Variants in PDE10A observed in about 807,000 individuals in gnomAD.
The protein encoded by PDE10A is cAMP and cAMP-inhibited cGMP 3',5'-cyclic phosphodiesterase 10A.
In PDE10A, 39 loss-of-function variants were observed where a neutral mutation model predicts 97.7. That is an observed-to-expected ratio of 0.40 (90% CI 0.31 to 0.52). PDE10A has a LOEUF of 0.52. Among genes scored for constraint, PDE10A ranks in the 20% least tolerant of loss-of-function variants. The pLI, the probability that PDE10A is intolerant of heterozygous loss-of-function variation, is 0.56. For missense variants in PDE10A, 731 were observed against 1,047.8 expected (o/e 0.70, Z 4.17); for synonymous variants, 371 against 376.8 (o/e 0.98, Z 0.18).
intron 2 of PDE10A, among the ~76,000 whole-genome samples, chr6:165,495,189 G>A (rs1780466773): frequency 6.6e-6 from 1 of 152,088 alleles, no homozygotes; most frequent in Admixed American, 6.6e-5. Flanking sequence ...TAAATTTCGT[G>A]GTTTTGAGAG....
intron 1 of PDE10A, among the ~76,000 whole-genome samples, chr6:165,586,682 C>G (rs1419023314): frequency 2.0e-5 from 3 of 152,084 alleles, no homozygotes; most frequent in Admixed American, 2.0e-4. Context: ...AAGAAAACCA[C>G]AAGTAACGTC....
chr6:165,601,195 T>C (rs1050767815), intron 1 of PDE10A, among the ~76,000 whole-genome samples: 1 of 152,216 alleles, frequency 6.6e-6, no homozygotes. Context: ...GCTGCCACCA[T>C]GTAAGAAGTG....
At chr6:165,345,882 C>T (rs919626664) in intron 18 of PDE10A, among the ~76,000 whole-genome samples, 27 of 152,152 alleles carry the variant, frequency 1.8e-4, no homozygotes, top group African/African-American at 6.3e-4. Context: ...ATCAATAAAT[C>T]AATAAATCAA....
intron 1 of PDE10A, among the ~76,000 whole-genome samples, chr6:165,884,968 G>A (rs1781588453): frequency 6.6e-6 from 1 of 152,198 alleles, no homozygotes; most frequent in South Asian, 2.1e-4. Flanking sequence ...GTCGTCCTGT[G>A]TGGGTTTAAT....
intron 2 of PDE10A, among the ~76,000 whole-genome samples, chr6:165,486,879 G>C (rs979807512): frequency 3.3e-5 from 5 of 152,196 alleles, no homozygotes; most frequent in Non-Finnish European, 7.3e-5. Context: ...TGCATTCAAA[G>C]CCAAAGTGGA....
chr6:165,608,580 T>C lies in PDE10A; in HGVS notation c.865+53367A>G, dbSNP rs199983553. Among the ~76,000 whole-genome samples the C allele has an allele frequency of 2.0e-4, 30 of 151,940 alleles. No individual in the cohort carries two copies. In the East Asian group the frequency reaches 4.8e-3, roughly 25 times the overall value. On this transcript the variant is annotated intron_variant, in intron 1 of 21. Transcript: ENST00000539869. The stretch of plus-strand genomic sequence containing the variant: ...AGTGCCACAGTAAACATACATGTGA[T>C]TGTGTCTTTATAGCAGCATGATTTA...
At position 165,381,267 on chromosome 6, in the gene PDE10A, T is replaced by C. The variant is rs117544139; in HGVS notation, c.2611-1901A>G. Among the ~76,000 whole-genome samples the C allele has an allele frequency of 4.2e-3, 642 of 152,322 alleles. 2 individuals are homozygous for C. Among genetic ancestry groups the C allele is most frequent in the Non-Finnish European group, 6.8e-3 (464 of 68,026 alleles). On this transcript the variant is annotated intron_variant, in intron 17 of 21. Transcript: ENST00000539869. ...TGTTTTTATCAGAGTCCCAAAAGTG[T>C]CGACTGTCCCAAAGCAAGTTAAGAT...
At chr6:165,348,648 C>T (rs1782474141) in intron 18 of PDE10A, among the ~76,000 whole-genome samples, 1 of 152,152 alleles carries the variant, frequency 6.6e-6, no homozygotes. Context: ...CCTAGCAAAT[C>T]CTTTCATAAG....
intron 1 of PDE10A, among the ~76,000 whole-genome samples, chr6:165,589,425 A>C (rs1786116338): frequency 1.3e-5 from 2 of 152,250 alleles, no homozygotes; most frequent in South Asian, 2.1e-4. Context: ...AAACTTTAAA[A>C]AATGTTTTAT....
intron 2 of PDE10A, among the ~76,000 whole-genome samples, chr6:165,526,152 G>A (rs1039200053): frequency 1.3e-5 from 2 of 152,144 alleles, no homozygotes; most frequent in African/African-American, 2.4e-5. Context: ...ACTGTGTACT[G>A]GGGAAAGGAA....
intron 1 of PDE10A, among the ~76,000 whole-genome samples, chr6:165,716,123 C>T (rs1312077240): frequency 1.3e-5 from 2 of 152,214 alleles, no homozygotes; most frequent in African/African-American, 4.8e-5. Context: ...TGCCAGGGCT[C>T]AAACCCCGGC....
At chr6:165,358,709 C>A (rs1241412167) in intron 18 of PDE10A, among the ~76,000 whole-genome samples, 2 of 151,752 alleles carry the variant, frequency 1.3e-5, no homozygotes, top group Non-Finnish European at 2.9e-5. Context: ...TTCAAATGTA[C>A]CATCTTGGGA....
rs75972859 is a variant in PDE10A at position 165,750,933 on chromosome 6, G to A, written c.-614-207365C>T. ...GTCCTAAGTTGTTGTTGGCAGGAGC[G>A]GGATGCTGAGATGACCCACCTTCAG... On this transcript the variant is annotated intron_variant, in intron 1 of 19. Transcript: ENST00000366882. Among the ~76,000 whole-genome samples, 642 of 152,266 alleles carry A rather than the reference G, an allele frequency of 4.2e-3. 6 individuals are homozygous for A. Among genetic ancestry groups the A allele is most frequent in the African/African-American group, 0.014 (602 of 41,548 alleles).
At chr6:165,515,774 G>T (rs1443930832) in intron 2 of PDE10A, among the ~76,000 whole-genome samples, 9 of 151,908 alleles carry the variant, frequency 5.9e-5, no homozygotes, top group Non-Finnish European at 4.4e-5. Flanking sequence ...CGCCCACCTC[G>T]GCTTCCCAAA....
rs113606750 is a variant in PDE10A at position 165,444,264 on chromosome 6, T to C, written c.1194+4664A>G. ...CTGTCTTTTGAGCCCTCCAGTTTCC[T>C]TTGTTTTTAGTCATTATAGGAATCC... On this transcript the variant is annotated intron_variant, in intron 5 of 21. Coordinates refer to ENST00000539869, the MANE Select transcript of PDE10A (RefSeq NM_001385079.1). Among the ~76,000 whole-genome samples the C allele has an allele frequency of 1.6e-3, 241 of 152,306 alleles. 3 individuals carry two copies. The highest frequency in any genetic ancestry group is 5.4e-3 in the African/African-American group (223 of 41,570).
chr6:165,346,968 T>C (rs1055176110), intron 18 of PDE10A, among the ~76,000 whole-genome samples: 7 of 152,178 alleles, frequency 4.6e-5, no homozygotes, highest in Admixed American at 1.3e-4. Flanking sequence ...GGATGTACAG[T>C]GGATGTTTTG....
chr6:165,806,042 TAAAAAAAA>T (rs67104260), intron 1 of PDE10A, among the ~76,000 whole-genome samples: 7 of 73,140 alleles, frequency 9.6e-5, no homozygotes, highest in African/African-American at 3.9e-4. Context: ...GCTTGATTAT[TAAAAAAAA>T]AAAAAAAAAA....
intron 1 of PDE10A, among the ~76,000 whole-genome samples, chr6:165,593,192 C>G (rs1032558400): frequency 6.6e-6 from 1 of 152,098 alleles, no homozygotes; most frequent in African/African-American, 2.4e-5. Flanking sequence ...AGCAAACTAA[C>G]ACAGGAACAG....
At position 165,418,725 on chromosome 6, in the gene PDE10A, TCCA is replaced by T; in HGVS notation, c.1703_1705del (p.Val568del). The T allele has an allele frequency of 6.2e-7, 1 of 1,613,774 alleles. No homozygotes were observed. Among genetic ancestry groups the T allele is most frequent in the Non-Finnish European group, 8.5e-7 (1 of 1,179,804 alleles). ...TGAATATAACTCCTTGTTCTTATGGTCCACCTGGAAAAGCGCACAACGATCGGC... is the reference window on the plus strand; with the variant it reads ...TGAATATAACTCCTTGTTCTTATGGTCCTGGAAAAGCGCACAACGATCGGC... On this transcript the variant is annotated inframe_deletion, in exon 11 of 22. Coordinates refer to ENST00000539869, the MANE Select transcript of PDE10A (RefSeq NM_001385079.1). This position sits in a 1 kb window ranked among gnomAD's most constrained non-coding sequence, Gnocchi z 4.8.
Sources: gnomAD v4.1 joint callset for allele counts (sites outside exome capture counted in the v4.1 genomes callset) on GRCh38, gnomAD v4.1.1 for gene constraint, Gnocchi (gnomAD v3.1) non-coding constraint, MANE v1.5 for transcripts, NCBI Gene and HGNC (gene_info 2026-07-23, HGNC 2026-07-21) for gene names.